Variants in BANK1 observed in about 807,000 individuals in gnomAD.
The protein encoded by BANK1 is B-cell scaffold protein with ankyrin repeats.
Under a neutral mutation model 94.5 loss-of-function variants are expected in BANK1, and 95 were observed. The ratio of observed to expected loss-of-function variants is 1.00; its 90% CI spans 0.85 to 1.19. BANK1 has a LOEUF of 1.19. Ranked by LOEUF, BANK1 falls within the 50% of genes most tolerant of loss-of-function variation. The probability of loss-of-function intolerance (pLI) is 0.00; values close to 1 mark genes in which losing one functional copy is unlikely to be tolerated. For synonymous variants in BANK1, 334 were observed against 308.4 expected (o/e 1.08, Z -0.87); for missense variants, 987 against 932.2 (o/e 1.06, Z -0.77).
chr4:101,987,494 TATACTC>T (rs1725554151), intron 7 of BANK1, among the ~76,000 whole-genome samples: 1 of 152,148 alleles, frequency 6.6e-6, no homozygotes, highest in Admixed American at 6.6e-5. Context: ...TATATTTTGA[TATACTC>T]ATTTAAAGCA....
chr4:102,073,636 T>C (rs1446056346), intron 15 of BANK1, 48 bp from the exon 16 acceptor site: 2 of 1,543,884 alleles, frequency 1.3e-6, no homozygotes, highest in Non-Finnish European at 1.8e-6. Context: ...AACCTTAAAA[T>C]AGGGACAAAT....
chr4:102,016,585 A>G (rs1366615504), intron 7 of BANK1, among the ~76,000 whole-genome samples: 2 of 152,158 alleles, frequency 1.3e-5, no homozygotes, highest in Non-Finnish European at 2.9e-5. Context: ...AATTCACACA[A>G]TTCCATTGTA....
chr4:101,842,095 A>G (rs1006533849), intron 2 of BANK1, among the ~76,000 whole-genome samples: 1 of 152,198 alleles, frequency 6.6e-6, no homozygotes, highest in Admixed American at 6.5e-5. Context: ...AGTGGTCTCA[A>G]ATAATATCTC....
chr4:101,917,788 G>A (rs1299355519), intron 6 of BANK1, among the ~76,000 whole-genome samples: 1 of 151,760 alleles, frequency 6.6e-6, no homozygotes, highest in Non-Finnish European at 1.5e-5. Flanking sequence ...ATTAATGCTA[G>A]TGAGAATATT....
chr4:101,875,879 A>G (rs3974649), intron 5 of BANK1, among the ~76,000 whole-genome samples: 70,557 of 151,952 alleles, frequency 0.46, 17,929 homozygotes, highest in African/African-American at 0.68. Flanking sequence ...GTGCCCAGTG[A>G]CAGTGGACTT....
chr4:102,029,611 AAT>A (rs939033155), intron 9 of BANK1, among the ~76,000 whole-genome samples: 13 of 148,270 alleles, frequency 8.8e-5, no homozygotes, highest in Middle Eastern at 3.6e-3. Context: ...ATATAAAAAT[AAT>A]ATATATATAT....
At chr4:101,968,081 A>T (rs1477123988) in intron 7 of BANK1, among the ~76,000 whole-genome samples, 1 of 152,034 alleles carries the variant, frequency 6.6e-6, no homozygotes, top group Non-Finnish European at 1.5e-5. Context: ...ATGATTTCTT[A>T]TCCATGGAAG....
At chr4:101,793,654 A>G (rs1725065213) in intron 1 of BANK1, among the ~76,000 whole-genome samples, 3 of 152,126 alleles carry the variant, frequency 2.0e-5, no homozygotes, top group African/African-American at 7.2e-5. Context: ...TGCCTGTCTC[A>G]TCTGTGACCT....
At chr4:101,839,964 T>A (rs1348473356) in intron 2 of BANK1, among the ~76,000 whole-genome samples, 781 of 72,164 alleles carry the variant, frequency 0.011, 29 homozygotes, top group African/African-American at 0.048. Context: ...TTTTTTTTTT[T>A]TTTTTTTTTT....
intron 6 of BANK1, among the ~76,000 whole-genome samples, chr4:101,904,645 CT>C (rs1198620326): frequency 6.6e-6 from 1 of 152,110 alleles, no homozygotes; most frequent in Non-Finnish European, 1.5e-5. Flanking sequence ...TGTATGTTGA[CT>C]TTGAGGGCTA....
At chr4:101,922,012 G>A (rs1723015773) in intron 7 of BANK1, among the ~76,000 whole-genome samples, 1 of 76,898 alleles carries the variant, frequency 1.3e-5, no homozygotes, top group Non-Finnish European at 3.2e-5. Flanking sequence ...CTGGGCCCGT[G>A]TGTGTGTGTG....
intron 1 of BANK1, among the ~76,000 whole-genome samples, chr4:101,792,460 TGTGTGTG>T (rs1725023297): frequency 2.0e-5 from 2 of 99,498 alleles, no homozygotes; most frequent in Non-Finnish European, 4.9e-5. Flanking sequence ...TGTGTGTGTG[TGTGTGTG>T]TGTTTTTTTT....
intron 9 of BANK1, among the ~76,000 whole-genome samples, chr4:102,026,989 T>C (rs1727127983): frequency 6.6e-6 from 1 of 152,178 alleles, no homozygotes; most frequent in Non-Finnish European, 1.5e-5. Context: ...CTCTGATTCA[T>C]TCATTCATTC....
chr4:101,854,311 A>AT (rs1211915722), intron 2 of BANK1, among the ~76,000 whole-genome samples: 2 of 152,140 alleles, frequency 1.3e-5, no homozygotes, highest in African/African-American at 4.8e-5. Flanking sequence ...CTCTTAACAC[A>AT]TTTTTTCAAA....
At chr4:102,055,313 T>C (rs892431454) in intron 11 of BANK1, among the ~76,000 whole-genome samples, 7 of 152,016 alleles carry the variant, frequency 4.6e-5, no homozygotes, top group African/African-American at 1.7e-4. Context: ...GACAAAATTA[T>C]AGTTCAACTA....
intron 13 of BANK1, among the ~76,000 whole-genome samples, chr4:102,069,363 A>G (rs756614692): frequency 2.6e-5 from 4 of 152,224 alleles, no homozygotes; most frequent in Non-Finnish European, 4.4e-5. Context: ...ATGGCCCAGA[A>G]GCATGTGAAA....
intron 7 of BANK1, among the ~76,000 whole-genome samples, chr4:101,961,582 A>G (rs1446021891): frequency 1.3e-5 from 2 of 152,128 alleles, no homozygotes; most frequent in Non-Finnish European, 2.9e-5. Context: ...TTGTGGTCAC[A>G]TTGGTTTTAC....
At chr4:102,042,294 A>G (rs1025163246) in intron 10 of BANK1, among the ~76,000 whole-genome samples, 27 of 152,182 alleles carry the variant, frequency 1.8e-4, no homozygotes, top group African/African-American at 6.5e-4. Flanking sequence ...ATTTTAGAAA[A>G]AATGTAAGTA....
intron 7 of BANK1, among the ~76,000 whole-genome samples, chr4:101,930,324 T>C (rs1460602113): frequency 1.3e-5 from 2 of 151,370 alleles, no homozygotes; most frequent in Non-Finnish European, 3.0e-5. Flanking sequence ...CATTCTTTTA[T>C]ATTGTATAAA....
Sources: allele counts gnomAD v4.1 joint callset (sites outside exome capture counted in the v4.1 genomes callset), GRCh38; gene constraint gnomAD v4.1.1; transcripts MANE v1.5; gene names NCBI Gene and HGNC (gene_info 2026-07-23, HGNC 2026-07-21).